The following PLD1 variants were observed in gnomAD, a reference collection of about 807,000 sequenced individuals.
PLD1 encodes the protein choline phosphatase 1.
Under a neutral mutation model 137.1 loss-of-function variants are expected in PLD1, and 112 were observed. That is an observed-to-expected ratio of 0.82 (90% CI 0.70 to 0.96). The LOEUF (loss-of-function observed/expected upper bound fraction) is 0.96, where lower values mean the gene tolerates loss of function less well. Ranked by LOEUF, PLD1 falls within the 40% of genes least tolerant of loss-of-function variation. The pLI, the probability that PLD1 is intolerant of heterozygous loss-of-function variation, is 0.00. For missense variants in PLD1, 1,321 were observed against 1,342.0 expected, an observed-to-expected ratio of 0.98 and a Z score of 0.24; for synonymous variants, 431 against 454.7, an observed-to-expected ratio of 0.95 and a Z score of 0.66.
In PLD1 at chr3:171,609,130, T is replaced by TA. The variant is rs553277838; in HGVS notation, c.2882+3148dup. Among the ~76,000 whole-genome samples the TA allele has an allele frequency of 5.5e-4, 83 of 151,932 alleles. 1 individual carries two copies. In the South Asian group the frequency reaches 0.011, roughly 21 times the overall value. ...AAGACACACAAGCAGCCAACAAACA[T>TA]AAAAAAATGCTGAACATCATTAATT... On this transcript the variant is annotated intron_variant, in intron 25 of 26. Transcript: ENST00000351298.
intron 1 of PLD1, among the ~76,000 whole-genome samples, chr3:171,747,641 T>C (rs1368402673): frequency 6.6e-6 from 1 of 152,170 alleles, no homozygotes; most frequent in Non-Finnish European, 1.5e-5. Context: ...CTGCAGAAAT[T>C]CATTTATGCT....
At chr3:171,721,461 G>T (rs1718123796) in intron 8 of PLD1, 1 of 152,272 alleles carries the variant, frequency 6.6e-6, no homozygotes, top group Non-Finnish European at 1.5e-5. Context: ...GCTGGACTCC[G>T]ATCAGTTCTT....
At position 171,620,502 on chromosome 3, in the gene PLD1, T is replaced by C. The variant is rs769877710; in HGVS notation, c.2612A>G (p.Asn871Ser). ...TCTAAGACCACAGAATGATATGTAATTTATCCACTGATTACCAACTGCAAA... is the reference window on the plus strand; with the variant it reads ...TCTAAGACCACAGAATGATATGTAACTTATCCACTGATTACCAACTGCAAA... ...LKAELGNQWI[N>S]YISFCGLRTH... is the part of the protein sequence containing the mutation. Residue 871 changes from asparagine (N) to serine (S), a missense_variant, in exon 24 of 27, where the codon AAT becomes AGT. Coordinates refer to ENST00000351298, the MANE Select transcript of PLD1 (RefSeq NM_002662.5). 1 of 1,586,008 alleles carries C rather than the reference T, an allele frequency of 6.3e-7. No individual in the cohort carries two copies. Among genetic ancestry groups the C allele is most frequent in the South Asian group, 1.1e-5 (1 of 89,146 alleles).
chr3:171,702,481 C>T (rs1716330797), intron 11 of PLD1, among the ~76,000 whole-genome samples: 1 of 149,856 alleles, frequency 6.7e-6, no homozygotes, highest in African/African-American at 2.5e-5. Flanking sequence ...AAGGAAGACC[C>T]TGTCTCAAAA....
At position 171,612,739 on chromosome 3, in the gene PLD1, CA is replaced by C. The variant is rs1315128606; in HGVS notation, c.2729-308del. ...AGAGTTTCCCCTTTGTATAAACACA[CA>C]AAAAATGGATTCTGTCTCTTCCATC... On this transcript the variant is annotated intron_variant, in intron 24 of 26. Coordinates refer to ENST00000351298, the MANE Select transcript of PLD1 (RefSeq NM_002662.5). The surrounding 1 kb of genome is among the most constrained non-coding windows in gnomAD (Gnocchi z 4.1). Among the ~76,000 whole-genome samples, 2 of 152,040 alleles carry C rather than the reference CA, an allele frequency of 1.3e-5. No homozygotes were observed. Among genetic ancestry groups the C allele is most frequent in the African/African-American group, 4.8e-5 (2 of 41,410 alleles).
intron 1 of PLD1, among the ~76,000 whole-genome samples, chr3:171,768,173 G>A (rs773907888): frequency 1.3e-5 from 2 of 152,088 alleles, no homozygotes; most frequent in African/African-American, 2.4e-5. Context: ...GGTCAGATCA[G>A]CTCCAGGAGT....
chr3:171,721,148 T>C (rs553624018), intron 8 of PLD1, among the ~76,000 whole-genome samples: 65 of 152,320 alleles, frequency 4.3e-4, no homozygotes, highest in African/African-American at 1.5e-3. Flanking sequence ...CTGGCATACA[T>C]TAGGCACTCG....
intron 19 of PLD1, among the ~76,000 whole-genome samples, chr3:171,669,347 T>C (rs1206329525): frequency 6.6e-6 from 1 of 152,026 alleles, no homozygotes; most frequent in Non-Finnish European, 1.5e-5. Flanking sequence ...AAAATTTCTA[T>C]CTAGAACAAG....
chr3:171,638,764 A>C (rs1735382919), intron 23 of PLD1, among the ~76,000 whole-genome samples: 1 of 152,162 alleles, frequency 6.6e-6, no homozygotes, highest in Admixed American at 6.5e-5. Context: ...AGAGGTGCCC[A>C]GTTTAATATT....
chr3:171,805,189 G>T (rs78652329), intron 1 of PLD1, among the ~76,000 whole-genome samples: 36 of 152,090 alleles, frequency 2.4e-4, no homozygotes, highest in African/African-American at 8.0e-4. Context: ...TCTTTTGTGC[G>T]TCAGAGGCTT....
chr3:171,623,657 G>A (rs1281252591), intron 23 of PLD1, among the ~76,000 whole-genome samples: 1 of 146,526 alleles, frequency 6.8e-6, no homozygotes, highest in Admixed American at 7.0e-5. Flanking sequence ...TATAAAGTCT[G>A]TATAATTAAA....
chr3:171,631,878 C>G (rs1040514732), intron 23 of PLD1, among the ~76,000 whole-genome samples: 5 of 152,082 alleles, frequency 3.3e-5, no homozygotes, highest in Admixed American at 2.0e-4. Flanking sequence ...GATGGAATCA[C>G]AAAGTCAGCA....
chr3:171,754,372 C>T (rs908902744), intron 1 of PLD1, among the ~76,000 whole-genome samples: 1 of 152,190 alleles, frequency 6.6e-6, no homozygotes, highest in African/African-American at 2.4e-5. Context: ...AATAATCCTA[C>T]AGGGGAAACT....
Position 171,624,244 on chromosome 3 carries a change from C to A in PLD1, c.2594-3724G>T, listed in dbSNP as rs1462100713. On this transcript the variant is annotated intron_variant, in intron 23 of 26. Coordinates refer to ENST00000351298, the MANE Select transcript of PLD1 (RefSeq NM_002662.5). ...AAAACACATGAATAGACAATTCACACACACAAAAGATACATTTGAAAAGAT... is the reference window on the plus strand; with the variant it reads ...AAAACACATGAATAGACAATTCACAAACACAAAAGATACATTTGAAAAGAT... Among the ~76,000 whole-genome samples, 8 of 152,168 alleles carry A rather than the reference C, an allele frequency of 5.3e-5. No individual in the cohort carries two copies. The East Asian group carries it at 1.5e-3, about 29-fold the overall frequency.
chr3:171,671,688 C>G (rs150822463), intron 19 of PLD1, among the ~76,000 whole-genome samples: 4 of 151,866 alleles, frequency 2.6e-5, no homozygotes, highest in East Asian at 3.9e-4. Context: ...TTGGGAAATG[C>G]GCACATCATA....
At chr3:171,698,267 A>C (rs1408872157) in intron 12 of PLD1, among the ~76,000 whole-genome samples, 1 of 152,206 alleles carries the variant, frequency 6.6e-6, no homozygotes, top group Non-Finnish European at 1.5e-5. Flanking sequence ...CTCATAGGAG[A>C]CAGTAACCGT....
At chr3:171,799,310 G>A (rs1275190206) in intron 1 of PLD1, among the ~76,000 whole-genome samples, 6 of 119,780 alleles carry the variant, frequency 5.0e-5, no homozygotes, top group African/African-American at 2.0e-4. Context: ...CTGCACTCCA[G>A]CCTGGGCAAC....
At chr3:171,791,188 G>A (rs981872216) in intron 1 of PLD1, among the ~76,000 whole-genome samples, 39 of 152,148 alleles carry the variant, frequency 2.6e-4, no homozygotes, top group African/African-American at 8.0e-4. Context: ...TGGCAAGCCT[G>A]TGGTTACATC....
intron 23 of PLD1, among the ~76,000 whole-genome samples, chr3:171,622,184 T>A (rs1733698031): frequency 6.6e-6 from 1 of 152,154 alleles, no homozygotes; most frequent in Non-Finnish European, 1.5e-5. Flanking sequence ...AAAGTAAATA[T>A]TTTTTTACAG....
Sources: allele counts gnomAD v4.1 joint callset (sites outside exome capture counted in the v4.1 genomes callset), GRCh38; gene constraint gnomAD v4.1.1; non-coding constraint Gnocchi (gnomAD v3.1); transcripts MANE v1.5; gene names NCBI Gene and HGNC (gene_info 2026-07-23, HGNC 2026-07-21).